The following PCDH9 variants were observed in gnomAD, a reference collection of about 807,000 sequenced individuals.
PCDH9 encodes the protein protocadherin-9.
Under a neutral mutation model 70.6 loss-of-function variants are expected in PCDH9, and 24 were observed. The observed-to-expected ratio is 0.34, with a 90% CI of 0.25 to 0.48. PCDH9 has a LOEUF of 0.48. Ranked by LOEUF, PCDH9 falls within the 20% of genes least tolerant of loss-of-function variation. The pLI, the probability that PCDH9 is intolerant of heterozygous loss-of-function variation, is 0.99. For synonymous variants in PCDH9, 562 were observed against 558.5 expected (o/e 1.01, Z -0.09); for missense variants, 1,281 against 1,503.6 (o/e 0.85, Z 2.45).
At chr13:67,045,685 G>A (rs1401723492) in intron 2 of PCDH9, among the ~76,000 whole-genome samples, 1 of 152,096 alleles carries the variant, frequency 6.6e-6, no homozygotes, top group East Asian at 1.9e-4. Context: ...CTCTGTCACA[G>A]TTTATCATCA....
chr13:67,180,238 T>C (rs1398373211), intron 2 of PCDH9, among the ~76,000 whole-genome samples: 1 of 152,194 alleles, frequency 6.6e-6, no homozygotes, highest in Admixed American at 6.5e-5. Flanking sequence ...TTGTATGTAA[T>C]GGAAAATGAA....
rs116374293 is a variant in PCDH9, at chr13:66,746,321, T to G, written c.3139-114910A>C. 3.6e-3 allele frequency among the ~76,000 whole-genome samples: 547 copies of G among 152,322 alleles called. 3 individuals carry two copies. The highest frequency in any genetic ancestry group is 0.013 in the African/African-American group (523 of 41,582). On this transcript the variant is annotated intron_variant, in intron 3 of 4. Transcript: ENST00000377865. Reference sequence around the variant, plus strand: ...ATAATACTTGATTTGTAAAAGCAATTATAAAAACTCTCTCAATATTTGTTT... The same window carrying G: ...ATAATACTTGATTTGTAAAAGCAATGATAAAAACTCTCTCAATATTTGTTT...
intron 4 of PCDH9, among the ~76,000 whole-genome samples, chr13:66,527,934 C>T (rs12859352): frequency 0.24 from 36,568 of 151,996 alleles, 4,817 homozygotes; most frequent in South Asian, 0.34. Flanking sequence ...AGGAGAATTG[C>T]TTGAACCTGG....
At chr13:67,027,225 C>T (rs2139874710) in intron 2 of PCDH9, among the ~76,000 whole-genome samples, 2 of 152,164 alleles carry the variant, frequency 1.3e-5, no homozygotes, top group Middle Eastern at 6.8e-3. Flanking sequence ...AGATATAGAT[C>T]AACGGAACAG....
At chr13:66,423,686 T>C (rs1340767336) in intron 4 of PCDH9, among the ~76,000 whole-genome samples, 1 of 151,970 alleles carries the variant, frequency 6.6e-6, no homozygotes, top group Admixed American at 6.6e-5. Context: ...CTCAAAACAA[T>C]AAGAGCTGTT....
chr13:66,737,170 G>T (rs1394295988), intron 3 of PCDH9, among the ~76,000 whole-genome samples: 1 of 148,676 alleles, frequency 6.7e-6, no homozygotes, highest in African/African-American at 2.5e-5. Context: ...TTTTAGAAAG[G>T]TTGCACTAAG....
chr13:66,322,365 G>A (rs1427673390), intron 4 of PCDH9, among the ~76,000 whole-genome samples: 1 of 151,914 alleles, frequency 6.6e-6, no homozygotes, highest in African/African-American at 2.4e-5. Flanking sequence ...CTCATACGTT[G>A]TCTATACTGC....
intron 4 of PCDH9, among the ~76,000 whole-genome samples, chr13:66,330,224 C>G (rs1955919259): frequency 6.6e-6 from 1 of 152,172 alleles, no homozygotes; most frequent in African/African-American, 2.4e-5. Flanking sequence ...TCCTCTGGTC[C>G]AATAGCCTGG....
chr13:66,924,788 G>A (rs2082690831), intron 2 of PCDH9, among the ~76,000 whole-genome samples: 1 of 151,734 alleles, frequency 6.6e-6, no homozygotes, highest in South Asian at 2.1e-4. Context: ...TCACTGCTCA[G>A]AGTTAGAATG....
At chr13:66,867,951 G>A (rs532343303) in intron 3 of PCDH9, among the ~76,000 whole-genome samples, 2 of 151,988 alleles carry the variant, frequency 1.3e-5, no homozygotes, top group South Asian at 4.2e-4. Context: ...TTCTGATTAA[G>A]TAAAAGCATA....
At chr13:67,145,965 C>T (rs2087513493) in intron 2 of PCDH9, among the ~76,000 whole-genome samples, 1 of 152,020 alleles carries the variant, frequency 6.6e-6, no homozygotes, top group African/African-American at 2.4e-5. Flanking sequence ...TATCTATAAT[C>T]AGAAAGTCCT....
chr13:66,696,338 T>C (rs2078562041), intron 3 of PCDH9, among the ~76,000 whole-genome samples: 3 of 152,260 alleles, frequency 2.0e-5, no homozygotes, highest in Admixed American at 2.0e-4. Context: ...TTCTAATAAT[T>C]ATTCAATCTT....
chr13:66,445,000 T>G (rs1050231580), intron 4 of PCDH9, among the ~76,000 whole-genome samples: 1 of 146,758 alleles, frequency 6.8e-6, no homozygotes, highest in African/African-American at 2.6e-5. Context: ...TATTAGCATA[T>G]TAGAAAAATT....
intron 4 of PCDH9, among the ~76,000 whole-genome samples, chr13:66,454,212 G>GA (rs1386025967): frequency 1.3e-5 from 2 of 150,642 alleles, no homozygotes; most frequent in African/African-American, 4.9e-5. Context: ...TGAGTAGTTA[G>GA]AAAAAAAAGA....
intron 4 of PCDH9, among the ~76,000 whole-genome samples, chr13:66,598,784 T>C (rs1446093087): frequency 6.6e-6 from 1 of 151,900 alleles, no homozygotes; most frequent in African/African-American, 2.4e-5. Context: ...CTAACAGATC[T>C]TGTATAAATG....
At chr13:67,037,375 T>C (rs556737175) in intron 2 of PCDH9, among the ~76,000 whole-genome samples, 1 of 152,328 alleles carries the variant, frequency 6.6e-6, no homozygotes, top group Admixed American at 6.5e-5. Context: ...ATTTATACTT[T>C]CTGCAGCTTT....
chr13:66,625,233 C>T (rs1383036051), intron 4 of PCDH9, among the ~76,000 whole-genome samples: 1 of 152,118 alleles, frequency 6.6e-6, no homozygotes, highest in Non-Finnish European at 1.5e-5. Context: ...CTTATATCTA[C>T]AATTATCTCA....
intron 2 of PCDH9, among the ~76,000 whole-genome samples, chr13:67,119,891 T>G (rs2086845185): frequency 1.3e-5 from 2 of 152,122 alleles, no homozygotes; most frequent in South Asian, 4.1e-4. Flanking sequence ...CTGGTAACAC[T>G]GGGTTTTAAG....
intron 4 of PCDH9, among the ~76,000 whole-genome samples, chr13:66,355,534 C>A (rs556339286): frequency 6.6e-6 from 1 of 152,048 alleles, no homozygotes; most frequent in Non-Finnish European, 1.5e-5. Context: ...GACATGCTGT[C>A]TAGTGTTCTT....
Sources: gnomAD v4.1 joint callset for allele counts (sites outside exome capture counted in the v4.1 genomes callset) on GRCh38, gnomAD v4.1.1 for gene constraint, MANE v1.5 for transcripts, NCBI Gene and HGNC (gene_info 2026-07-23, HGNC 2026-07-21) for gene names.